Variants in STK32B observed in about 807,000 individuals in gnomAD.
STK32B encodes serine/threonine kinase 32B.
STK32B carries 43 observed loss-of-function variants against 52.6 expected under a neutral mutation model. That is an observed-to-expected ratio of 0.82 (90% confidence interval 0.64 to 1.05). The LOEUF (loss-of-function observed/expected upper bound fraction) is 1.05. Ranked by LOEUF, STK32B falls within the 50% of genes least tolerant of loss-of-function variation. The pLI, the probability that STK32B is intolerant of heterozygous loss-of-function variation, is 0.00. For missense variants in STK32B, 621 were observed against 534.6 expected (o/e 1.16, Z -1.59); for synonymous variants, 238 against 204.3 (o/e 1.17, Z -1.41).
intron 6 of STK32B, among the ~76,000 whole-genome samples, chr4:5,429,564 T>TAA (rs10642319): frequency 0.63 from 95,930 of 151,592 alleles, 31,173 homozygotes; most frequent in East Asian, 0.91. Context: ...TATAAATATA[T>TAA]GTCATTGAAT....
At chr4:5,160,470 C>G (rs374669763) in intron 2 of STK32B, among the ~76,000 whole-genome samples, 4 of 152,234 alleles carry the variant, frequency 2.6e-5, no homozygotes, top group African/African-American at 9.6e-5. Context: ...CCTTCTCCCC[C>G]TCCCCACACC....
At chr4:5,049,917 A>G (rs760097864), upstream of STK32B, among the ~76,000 whole-genome samples, 9 of 152,166 alleles carry the variant, frequency 5.9e-5, no homozygotes, top group Non-Finnish European at 1.3e-4. Context: ...CCTCATAACA[A>G]TGTTAGAAAG....
chr4:5,281,424 C>T (rs981729425), intron 3 of STK32B, among the ~76,000 whole-genome samples: 6 of 152,024 alleles, frequency 3.9e-5, no homozygotes, highest in Admixed American at 2.6e-4. Flanking sequence ...GGGAACATCA[C>T]ACACCAGGAC....
At chr4:5,350,414 G>T (rs1453705942) in intron 4 of STK32B, among the ~76,000 whole-genome samples, 1 of 151,950 alleles carries the variant, frequency 6.6e-6, no homozygotes, top group South Asian at 2.1e-4. Flanking sequence ...ATGCTTGAGG[G>T]AACCCTACCC....
intron 4 of STK32B, among the ~76,000 whole-genome samples, chr4:5,352,091 T>C (rs1733865081): frequency 6.6e-6 from 1 of 152,066 alleles, no homozygotes; most frequent in Non-Finnish European, 1.5e-5. Flanking sequence ...CCCTAACATA[T>C]TCTATGAGGA....
chr4:5,169,222 T>C (rs60445594), intron 3 of STK32B, among the ~76,000 whole-genome samples: 28,489 of 152,114 alleles, frequency 0.19, 3,362 homozygotes, highest in East Asian at 0.29. Flanking sequence ...ACCCAGGTTA[T>C]TGGGTTACTT....
At chr4:5,337,175 A>G (rs1452062742) in intron 4 of STK32B, among the ~76,000 whole-genome samples, 1 of 151,488 alleles carries the variant, frequency 6.6e-6, no homozygotes, top group Admixed American at 6.6e-5. Context: ...TTTTTGTAAA[A>G]ACAGGGTTTC....
At chr4:5,192,779 T>A (rs550791949) in intron 3 of STK32B, among the ~76,000 whole-genome samples, 2 of 152,202 alleles carry the variant, frequency 1.3e-5, no homozygotes, top group South Asian at 4.2e-4. Flanking sequence ...CACAAGTCGT[T>A]CTTACCAGCT....
chr4:5,463,846 C>T (rs1560437035), intron 9 of STK32B, among the ~76,000 whole-genome samples: 2 of 152,194 alleles, frequency 1.3e-5, no homozygotes, highest in African/African-American at 2.4e-5. Context: ...TTCAAGACAG[C>T]ATAAAGCAAG....
chr4:5,278,336 G>A (rs1308171697), intron 3 of STK32B, among the ~76,000 whole-genome samples: 1 of 152,204 alleles, frequency 6.6e-6, no homozygotes, highest in Non-Finnish European at 1.5e-5. Context: ...TGCCCAGGGG[G>A]CAGATCAAGG....
At position 5,329,423 on chromosome 4, in the gene STK32B, CTCTG is replaced by C. The variant is rs538243647; in HGVS notation, c.261-1792_261-1789del. ...CCGCCATGGGTCATGCTGTTTCTCT[CTCTG>C]TCTGAGTCACACAGCCTGTGCGTTC... On this transcript the variant is annotated intron_variant, in intron 3 of 11. Transcript: ENST00000282908. 3.9e-5 allele frequency among the ~76,000 whole-genome samples: 6 copies of C among 152,322 alleles called. No homozygotes were observed. In the East Asian group the frequency reaches 7.7e-4, roughly 20 times the overall value.
chr4:5,462,579 T>C (rs1244143445), intron 9 of STK32B, among the ~76,000 whole-genome samples: 1 of 152,154 alleles, frequency 6.6e-6, no homozygotes, highest in Non-Finnish European at 1.5e-5. Context: ...CCCAAACACC[T>C]ACACCCACCA....
At chr4:5,144,783 CTCAT>C (rs778871121) in intron 2 of STK32B, among the ~76,000 whole-genome samples, 2 of 121,066 alleles carry the variant, frequency 1.7e-5, no homozygotes, top group Admixed American at 7.8e-5. Flanking sequence ...CACTCATTCA[CTCAT>C]CCATCCATCC....
At chr4:5,063,662 A>G (rs796513207) in intron 1 of STK32B, among the ~76,000 whole-genome samples, 23 of 152,322 alleles carry the variant, frequency 1.5e-4, no homozygotes, top group African/African-American at 5.1e-4. Context: ...AAAATTATTG[A>G]GATATTTTAC....
intron 3 of STK32B, among the ~76,000 whole-genome samples, chr4:5,223,030 C>T (rs775742560): frequency 2.0e-5 from 3 of 152,162 alleles, no homozygotes; most frequent in South Asian, 4.1e-4. Context: ...CATGTGGGGT[C>T]TTAGAGCTCA....
chr4:5,354,051 C>T (rs28794497), intron 4 of STK32B, among the ~76,000 whole-genome samples: 13 of 152,250 alleles, frequency 8.5e-5, no homozygotes, highest in African/African-American at 2.9e-4. Flanking sequence ...TCTATTCAGC[C>T]GTGAAACAGA....
intron 3 of STK32B, among the ~76,000 whole-genome samples, chr4:5,326,981 C>T (rs867771173): frequency 1.3e-5 from 2 of 152,118 alleles, no homozygotes; most frequent in Non-Finnish European, 2.9e-5. Context: ...ATATTCTAAA[C>T]CTCTTGTGTC....
intron 3 of STK32B, among the ~76,000 whole-genome samples, chr4:5,294,512 G>A (rs1243016913): frequency 1.3e-5 from 2 of 151,930 alleles, no homozygotes. Context: ...TGTATTCTTA[G>A]GTATTTTATT....
Position 5,098,972 on chromosome 4 carries a change from A to G in STK32B, c.53-40933A>G, listed in dbSNP as rs558016439. On this transcript the variant is annotated intron_variant, in intron 1 of 11. Transcript: ENST00000282908. The stretch of plus-strand genomic sequence containing the variant: ...GCCATCTCCAGTGGCTTAAAACAAC[A>G]TACATTTATTTTCTTGCAGTTCTGG... 3.9e-4 allele frequency among the ~76,000 whole-genome samples: 59 copies of G among 152,282 alleles called. 2 individuals are homozygous for G. In the Middle Eastern group the frequency reaches 0.027, roughly 70 times the overall value.
Sources: gnomAD v4.1 joint callset for allele counts (sites outside exome capture counted in the v4.1 genomes callset) on GRCh38, gnomAD v4.1.1 for gene constraint, MANE v1.5 for transcripts, NCBI Gene and HGNC (gene_info 2026-07-23, HGNC 2026-07-21) for gene names.